GABRG3: variants seen among roughly 807,000 people sequenced by gnomAD.
The protein encoded by GABRG3 is gamma-aminobutyric acid receptor subunit gamma-3.
In GABRG3, 25 loss-of-function variants were observed where a neutral mutation model predicts 48.8. The observed-to-expected ratio is 0.51, with a 90% confidence interval of 0.37 to 0.72. The LOEUF is 0.72. Among genes scored for constraint, GABRG3 ranks in the 30% least tolerant of loss-of-function variants. GABRG3 has a pLI of 0.00. For synonymous variants in GABRG3, 227 were observed against 217.6 expected, an observed-to-expected ratio of 1.04 and a Z score of -0.38; for missense variants, 394 against 577.9, an observed-to-expected ratio of 0.68 and a Z score of 3.26.
intron 3 of GABRG3, among the ~76,000 whole-genome samples, chr15:27,139,196 T>C (rs1898061275): frequency 6.6e-6 from 1 of 152,146 alleles, no homozygotes; most frequent in Non-Finnish European, 1.5e-5. Flanking sequence ...CCTGAAGGCC[T>C]TAGACCCAGG....
chr15:27,142,123 TG>T (rs766183285), intron 3 of GABRG3, among the ~76,000 whole-genome samples: 3 of 152,362 alleles, frequency 2.0e-5, no homozygotes, highest in East Asian at 3.9e-4. Flanking sequence ...AATTTCATAA[TG>T]GAACTCTAGT....
At chr15:27,454,123 A>G (rs577305378) in intron 5 of GABRG3, among the ~76,000 whole-genome samples, 3 of 152,326 alleles carry the variant, frequency 2.0e-5, no homozygotes, top group South Asian at 2.1e-4. Flanking sequence ...CACAAGGTCA[A>G]TTTGGGGTTG....
At chr15:27,381,210 C>G (rs1895765113) in intron 5 of GABRG3, among the ~76,000 whole-genome samples, 1 of 152,288 alleles carries the variant, frequency 6.6e-6, no homozygotes, top group South Asian at 2.1e-4. Context: ...TTCTCTTTCT[C>G]CAACTTGGTT....
chr15:27,014,884 T>G (rs1321130442), intron 2 of GABRG3, among the ~76,000 whole-genome samples: 1 of 152,348 alleles, frequency 6.6e-6, no homozygotes, highest in Non-Finnish European at 1.5e-5. Context: ...CCTACTATTA[T>G]CGTGTTGCTG....
intron 2 of GABRG3, among the ~76,000 whole-genome samples, chr15:27,011,165 G>T (rs1595470905): frequency 6.6e-6 from 1 of 152,016 alleles, no homozygotes; most frequent in South Asian, 2.1e-4. Flanking sequence ...CTGTTCCCGG[G>T]CAAACACTGA....
At chr15:27,210,052 G>A (rs1388787223) in intron 3 of GABRG3, among the ~76,000 whole-genome samples, 1 of 152,260 alleles carries the variant, frequency 6.6e-6, no homozygotes, top group Non-Finnish European at 1.5e-5. Context: ...CAGTCACTTT[G>A]GGGGTTAGGA....
intron 6 of GABRG3, chr15:27,483,384 G>GA (rs1890144364): frequency 6.6e-6 from 1 of 152,100 alleles, no homozygotes; most frequent in African/African-American, 2.4e-5. Context: ...TCTTTCTATA[G>GA]AAACACCAGT....
intron 7 of GABRG3, among the ~76,000 whole-genome samples, chr15:27,524,127 A>G (rs775532885): frequency 3.9e-5 from 6 of 152,112 alleles, no homozygotes; most frequent in Non-Finnish European, 8.8e-5. Flanking sequence ...AATTATTAAG[A>G]GTAGCAAAGA....
rs1293891986 is a variant in GABRG3, at chr15:27,236,874, T to C, written c.271-89935T>C. Among the ~76,000 whole-genome samples, 1 of 152,220 alleles carries C rather than the reference T, an allele frequency of 6.6e-6. No homozygotes were observed. The highest frequency in any genetic ancestry group is 2.1e-4 in the South Asian group (1 of 4,838). ...GTGATTCCTCCAATAGCTTATTGAATATACGTATCCATCCCCCCACTCAGC... is the reference window on the plus strand; with the variant it reads ...GTGATTCCTCCAATAGCTTATTGAACATACGTATCCATCCCCCCACTCAGC... On this transcript the variant is annotated intron_variant, in intron 3 of 9. Transcript: ENST00000615808. The surrounding 1 kb of genome is among the most constrained non-coding windows in gnomAD (Gnocchi z 4.4).
rs562467922 is a variant in GABRG3 at position 27,513,443 on chromosome 15, C to G, written c.713-6529C>G. 4.7e-5 allele frequency among the ~76,000 whole-genome samples: 7 copies of G among 149,570 alleles called. No individual in the cohort carries two copies. In the South Asian group the frequency reaches 1.5e-3, roughly 31 times the overall value. On this transcript the variant is annotated intron_variant, in intron 6 of 9. Transcript: ENST00000615808. ...CCAGCCTGGGAGACAGAGTAAGACT[C>G]CGTCTCAAAAAAAAAGAAAAAAAAA... is the stretch of plus-strand genomic sequence containing the variant.
chr15:27,329,589 G>A (rs1479229032), intron 5 of GABRG3, among the ~76,000 whole-genome samples: 1 of 152,016 alleles, frequency 6.6e-6, no homozygotes, highest in Non-Finnish European at 1.5e-5. Context: ...TTAAAGTAAG[G>A]TGATTTGTCT....
intron 2 of GABRG3, among the ~76,000 whole-genome samples, chr15:27,002,491 TAATG>T (rs1248056096): frequency 6.6e-6 from 1 of 152,224 alleles, no homozygotes; most frequent in African/African-American, 2.4e-5. Context: ...TTAAATATCT[TAATG>T]AAGCCATTCT....
chr15:27,511,103 A>G (rs1052034095), intron 6 of GABRG3, among the ~76,000 whole-genome samples: 1 of 152,246 alleles, frequency 6.6e-6, no homozygotes, highest in South Asian at 2.1e-4. Flanking sequence ...AAAAACAATT[A>G]TCATTGACTG....
intron 1 of GABRG3, among the ~76,000 whole-genome samples, chr15:26,972,626 C>A (rs1415503732): frequency 6.6e-6 from 1 of 152,176 alleles, no homozygotes; most frequent in Admixed American, 6.5e-5. Context: ...AATCAGAGGG[C>A]ATCCTTGCGT....
At chr15:27,140,582 T>A (rs1898085831) in intron 3 of GABRG3, among the ~76,000 whole-genome samples, 1 of 149,180 alleles carries the variant, frequency 6.7e-6, no homozygotes, top group African/African-American at 2.6e-5. Context: ...GTCCTTTAGG[T>A]TTTTTTAAAT....
intron 5 of GABRG3, among the ~76,000 whole-genome samples, chr15:27,476,343 G>A (rs1411191879): frequency 6.6e-6 from 1 of 152,066 alleles, no homozygotes; most frequent in Non-Finnish European, 1.5e-5. Context: ...GAGAATTCTA[G>A]ATATTGAATG....
At chr15:27,529,422 A>G (rs2150865603) in intron 9 of GABRG3, among the ~76,000 whole-genome samples, 1 of 147,268 alleles carries the variant, frequency 6.8e-6, no homozygotes, top group African/African-American at 2.5e-5. Context: ...ACTAATTACA[A>G]TTTACTAATT....
intron 3 of GABRG3, among the ~76,000 whole-genome samples, chr15:27,124,380 G>A (rs1897782240): frequency 6.6e-6 from 1 of 152,166 alleles, no homozygotes; most frequent in African/African-American, 2.4e-5. Flanking sequence ...GGAAATGAAG[G>A]CCAGTGGCTC....
At chr15:27,193,312 G>A (rs1462962815) in intron 3 of GABRG3, among the ~76,000 whole-genome samples, 3 of 151,978 alleles carry the variant, frequency 2.0e-5, no homozygotes, top group Middle Eastern at 3.2e-3. Context: ...TCTGTGCCCT[G>A]CCCCCAGAGG....
Sources: allele counts gnomAD v4.1 joint callset (sites outside exome capture counted in the v4.1 genomes callset), GRCh38; gene constraint gnomAD v4.1.1; non-coding constraint Gnocchi (gnomAD v3.1); transcripts MANE v1.5; gene names NCBI Gene and HGNC (gene_info 2026-07-23, HGNC 2026-07-21).